Variants in MYH7 observed in about 807,000 individuals in gnomAD.
MYH7 encodes myosin heavy chain 7.
In MYH7, 129 loss-of-function variants were observed where a neutral mutation model predicts 225.4. The ratio of observed to expected loss-of-function variants is 0.57; its 90% confidence interval spans 0.50 to 0.66. The LOEUF is 0.66. MYH7 is among the 30% of genes least tolerant of loss of function. MYH7 has a pLI of 0.00. For missense variants in MYH7, 1,649 were observed against 2,517.0 expected, an observed-to-expected ratio of 0.66 and a Z score of 7.38; for synonymous variants, 971 against 1,007.6, an observed-to-expected ratio of 0.96 and a Z score of 0.69.
chr14:23,425,646 C>A lies in MYH7; in HGVS notation c.2286+49G>T. 1 of 1,613,328 alleles carries A rather than the reference C, an allele frequency of 6.2e-7. No homozygotes were observed. The highest frequency in any genetic ancestry group is 8.5e-7 in the Non-Finnish European group (1 of 1,179,560). On this transcript the variant is annotated intron_variant, in intron 20 of 39. Transcript: ENST00000355349. The surrounding 1 kb of genome is among the most constrained non-coding windows in gnomAD (Gnocchi z 4.6). ...ACAACAGGAAAAGCATCAGAGGAGT[C>A]AATGGAAAAGAGATGTCTTCCTTTA... is the stretch of plus-strand genomic sequence containing the variant.
intron 15 of MYH7, 50 bp from the exon 16 acceptor site, chr14:23,427,944 A>T (rs368159085): frequency 1.7e-4 from 268 of 1,608,870 alleles, no homozygotes; most frequent in Non-Finnish European, 2.2e-4. Flanking sequence ...ACAGGTGGAC[A>T]TGGATTCTGC....
At position 23,415,869 on chromosome 14, in the gene MYH7, G is replaced by T. The variant is rs1327133863; in HGVS notation, c.4954-37C>A. The T allele has an allele frequency of 1.2e-6, 2 of 1,613,790 alleles. No homozygotes were observed. The highest frequency in any genetic ancestry group is 2.7e-5 in the African/African-American group (2 of 75,052). Reference sequence around the variant, plus strand: ...GAGAGTGGGCATGAGCAGGGAGCCAGCCTCGGTTCCCTTCACTAAAGGCAC... The same window carrying T: ...GAGAGTGGGCATGAGCAGGGAGCCATCCTCGGTTCCCTTCACTAAAGGCAC... On this transcript the variant is annotated intron_variant, in intron 34 of 39. Transcript: ENST00000355349. This position sits in a 1 kb window ranked among gnomAD's most constrained non-coding sequence, Gnocchi z 6.3.
chr14:23,427,043 G>A (rs1301754257), intron 17 of MYH7, among the ~76,000 whole-genome samples, 179 bp from the exon 18 acceptor site: 1 of 152,036 alleles, frequency 6.6e-6, no homozygotes, highest in African/African-American at 2.4e-5. Flanking sequence ...AGGGAAAGAG[G>A]AGAGAAGGGA....
chr14:23,434,896 T>C (rs1207442216), intron 1 of MYH7, among the ~76,000 whole-genome samples: 4 of 152,096 alleles, frequency 2.6e-5, no homozygotes, highest in African/African-American at 9.7e-5. Context: ...TGCTTGGGCA[T>C]GCCTCTCACA....
chr14:23,427,507 G>A (rs1892738799), intron 16 of MYH7, 78 bp downstream of exon 16: 2 of 1,553,024 alleles, frequency 1.3e-6, no homozygotes, highest in Non-Finnish European at 1.8e-6. Flanking sequence ...TGAAGTGGTG[G>A]GGTGTAGCAA....
At chr14:23,421,082 A>T in intron 25 of MYH7, 34 bp from the exon 26 acceptor site, 2 of 1,537,542 alleles carry the variant, frequency 1.3e-6, no homozygotes, top group Non-Finnish European at 1.8e-6. Context: ...GGTAAGGGAG[A>T]CTCGTGGGGC....
chr14:23,419,598 C>T lies in MYH7; in HGVS notation c.3738G>A (p.Glu1246=), dbSNP rs1326034291. ...EQIIKAKANL[E]KMCRTLEDQM... ...GGTCTTCCAAGGTCCGGCACATCTT[C>T]TCCAGGTTAGCCTGAGAAGGGAAGG... Residue 1246 remains glutamate (E), a synonymous_variant, in exon 28 of 40, where the codon GAG becomes GAA. Transcript: ENST00000355349. 1 of 1,613,526 alleles carries T rather than the reference C, an allele frequency of 6.2e-7. No individual in the cohort carries two copies. The highest frequency in any genetic ancestry group is 1.7e-5 in the Admixed American group (1 of 59,948).
Position 23,415,459 on chromosome 14 carries a change from G to C in MYH7, c.5205C>G (p.Ser1735=). The C allele has an allele frequency of 6.2e-7, 1 of 1,614,228 alleles. No individual in the cohort carries two copies. The highest frequency in any genetic ancestry group is 8.5e-7 in the Non-Finnish European group (1 of 1,180,040). Residue 1735 remains serine (S), a synonymous_variant, in exon 36 of 40, where the codon TCC becomes TCG. Coordinates refer to ENST00000355349, the MANE Select transcript of MYH7 (RefSeq NM_000257.4). The surrounding 1 kb of genome is among the most constrained non-coding windows in gnomAD (Gnocchi z 6.3). ...NQKKKMDADL[S]QLQTEVEEAV... ...CCTCCTCCACTTCAGTCTGGAGCTGGGACAGGTCAGCATCCATCTTCTTCT... is the reference window on the plus strand; with the variant it reads ...CCTCCTCCACTTCAGTCTGGAGCTGCGACAGGTCAGCATCCATCTTCTTCT...
chr14:23,433,236 G>A lies in MYH7; in HGVS notation c.202-9C>T. 1 of 1,614,150 alleles carries A rather than the reference G, an allele frequency of 6.2e-7. No homozygotes were observed. Among genetic ancestry groups the A allele is most frequent in the Non-Finnish European group, 8.5e-7 (1 of 1,180,020 alleles). ...TCCTTCACGGTCACTGTCTGCAAGA[G>A]CCCCCACCCAAGCCCTCCTGTCAGC... On this transcript the variant is annotated splice_polypyrimidine_tract_variant and intron_variant, in intron 3 of 39. Coordinates refer to ENST00000355349, the MANE Select transcript of MYH7 (RefSeq NM_000257.4). The surrounding 1 kb of genome is among the most constrained non-coding windows in gnomAD (Gnocchi z 4.1).
At chr14:23,413,545 C>G (rs991920988) in intron 39 of MYH7, among the ~76,000 whole-genome samples, 9 of 141,212 alleles carry the variant, frequency 6.4e-5, no homozygotes, top group African/African-American at 2.4e-4. Flanking sequence ...CCAGCCTGGG[C>G]GGCAGAGTGA....
At chr14:23,427,547 C>A in intron 16 of MYH7, 38 bp downstream of exon 16, 1 of 1,610,646 alleles carries the variant, frequency 6.2e-7, no homozygotes, top group East Asian at 2.2e-5. Context: ...TGGCAGAATC[C>A]CTGCTCCTCT....
Position 23,433,511 on chromosome 14 carries a change from T to A in MYH7, c.201+21A>T. On this transcript the variant is annotated intron_variant, in intron 3 of 39. Coordinates refer to ENST00000355349, the MANE Select transcript of MYH7 (RefSeq NM_000257.4). The surrounding 1 kb of genome is among the most constrained non-coding windows in gnomAD (Gnocchi z 4.1). The stretch of plus-strand genomic sequence containing the variant: ...GTGTACAGGTGGCCAGGGTGGACTC[T>A]CACATCAGCCTGACACCCACCTTGC... 6 of 1,612,724 alleles carry A rather than the reference T, an allele frequency of 3.7e-6. No individual in the cohort carries two copies. The highest frequency in any genetic ancestry group is 5.1e-6 in the Non-Finnish European group (6 of 1,179,570).
chr14:23,428,852 A>C (rs1892804146), intron 14 of MYH7, 103 bp downstream of exon 14: 1 of 1,593,116 alleles, frequency 6.3e-7, no homozygotes, highest in Non-Finnish European at 8.6e-7. Context: ...CACAGTCCCC[A>C]CTGCCTTCCC....
rs727503254 is a variant in MYH7 at position 23,424,770 on chromosome 14, G to A, written c.2678C>T (p.Ala893Val). Reference sequence around the variant, plus strand: ...CCAACAGTAGCCCAGGAGCCTCACCGCCTGCACTTGGAGCTGCAGGTCATT... The same window carrying A: ...CCAACAGTAGCCCAGGAGCCTCACCACCTGCACTTGGAGCTGCAGGTCATT... ...EKNDLQLQVQ[A>V]EQDNLADAEE... Residue 893 changes from alanine (A) to valine (V), a missense_variant and splice_region_variant, in exon 22 of 40, where the codon GCG (alanine) becomes GTG (valine). Physicochemically the swap from Ala to Val is moderately conservative, Grantham distance 64 (BLOSUM62 0). This residue lies in a region of MYH7 where 282 missense variants were observed against 315.3 expected (regional missense o/e 0.89). Transcript: ENST00000355349. The A allele has an allele frequency of 6.2e-7, 1 of 1,614,066 alleles. No individual in the cohort carries two copies. Among genetic ancestry groups the A allele is most frequent in the Non-Finnish European group, 8.5e-7 (1 of 1,180,022 alleles).
At chr14:23,434,139 GC>G (rs1893060717) in intron 2 of MYH7, 54 bp downstream of exon 2, 1 of 1,022,042 alleles carries the variant, frequency 9.8e-7, no homozygotes, top group South Asian at 2.7e-5. Context: ...TGGCTTTGGG[GC>G]TCTAATGCCC....
chr14:23,431,938 A>G, intron 6 of MYH7, 69 bp from the exon 7 acceptor site: 1 of 1,521,914 alleles, frequency 6.6e-7, no homozygotes, highest in East Asian at 2.3e-5. Flanking sequence ...AAATCAGGAG[A>G]GAATGCCTGG....
intron 29 of MYH7, 43 bp downstream of exon 29, chr14:23,419,134 T>C (rs756232424): frequency 7.2e-6 from 11 of 1,527,054 alleles, no homozygotes; most frequent in Non-Finnish European, 8.2e-6. Flanking sequence ...GGCTAGTCAG[T>C]GTGCTCCTTG....
rs1892178682 is a variant in MYH7, at chr14:23,415,838, G to C, written c.4954-6C>G. The C allele has an allele frequency of 6.2e-7, 1 of 1,614,206 alleles. No individual in the cohort carries two copies. The highest frequency in any genetic ancestry group is 8.5e-7 in the Non-Finnish European group (1 of 1,180,026). On this transcript the variant is annotated splice_polypyrimidine_tract_variant and splice_region_variant and intron_variant, in intron 34 of 39. Coordinates refer to ENST00000355349, the MANE Select transcript of MYH7 (RefSeq NM_000257.4). The surrounding 1 kb of genome is among the most constrained non-coding windows in gnomAD (Gnocchi z 6.3). ...TCCAGCTGAATCTGGGTGTCCTGAG[G>C]ATCAGGAGAGTGGGCATGAGCAGGG...
intron 33 of MYH7, 108 bp downstream of exon 33, chr14:23,416,760 G>T (rs999175227): frequency 4.5e-6 from 7 of 1,564,694 alleles, no homozygotes; most frequent in Non-Finnish European, 6.1e-6. Context: ...TCTGTCCTAG[G>T]CTCTGGGGAT....
Sources: gnomAD v4.1 joint callset for allele counts (sites outside exome capture counted in the v4.1 genomes callset) on GRCh38, gnomAD v4.1.1 for gene constraint, gnomAD v4.1.1 regional missense constraint, Gnocchi (gnomAD v3.1) non-coding constraint, MANE v1.5 for transcripts, NCBI Gene and HGNC (gene_info 2026-07-23, HGNC 2026-07-21) for gene names.